ATRN: variants seen among roughly 807,000 people sequenced by gnomAD.
ATRN encodes attractin-2.
Under a neutral mutation model 178.7 loss-of-function variants are expected in ATRN, and 54 were observed. The ratio of observed to expected loss-of-function variants is 0.30; its 90% confidence interval spans 0.24 to 0.38. The LOEUF (loss-of-function observed/expected upper bound fraction) is 0.38, where lower values mean the gene tolerates loss of function less well. Among genes scored for constraint, ATRN ranks in the 10% least tolerant of loss-of-function variants. The pLI, the probability that ATRN is intolerant of heterozygous loss-of-function variation, is 1.00. For missense variants in ATRN, 1,443 were observed against 1,815.1 expected (o/e 0.79, Z 3.73); for synonymous variants, 636 against 663.0 (o/e 0.96, Z 0.63).
chr20:3,509,969 T>C (rs2085102623), intron 1 of ATRN, among the ~76,000 whole-genome samples: 2 of 152,156 alleles, frequency 1.3e-5, no homozygotes, highest in South Asian at 4.1e-4. Context: ...TACACAGATA[T>C]GTGTGTGTAT....
At chr20:3,540,995 G>T (rs1348858723) in intron 3 of ATRN, among the ~76,000 whole-genome samples, 1 of 151,614 alleles carries the variant, frequency 6.6e-6, no homozygotes, top group Non-Finnish European at 1.5e-5. Context: ...TTAGCAGCAA[G>T]TAGCTGTGTT....
chr20:3,567,936 AAATT>A (rs1396341515), intron 11 of ATRN, among the ~76,000 whole-genome samples: 1 of 152,216 alleles, frequency 6.6e-6, no homozygotes, highest in Non-Finnish European at 1.5e-5. Context: ...TTTAAGCAAC[AAATT>A]AACTAGTTGA....
chr20:3,613,017 G>A (rs892440056), intron 24 of ATRN, among the ~76,000 whole-genome samples: 3 of 152,076 alleles, frequency 2.0e-5, no homozygotes, highest in Non-Finnish European at 4.4e-5. Context: ...ATTCTAGAGG[G>A]AGCTCTTCCC....
At chr20:3,575,165 T>C (rs963139420) in intron 12 of ATRN, among the ~76,000 whole-genome samples, 6 of 152,326 alleles carry the variant, frequency 3.9e-5, no homozygotes, top group African/African-American at 1.4e-4. Flanking sequence ...GGTTTCACCA[T>C]GTTGACCAGG....
chr20:3,616,039 A>G (rs1433250921), intron 24 of ATRN: 1 of 75,282 alleles, frequency 1.3e-5, no homozygotes, highest in Admixed American at 1.8e-4. Flanking sequence ...AACTTAAAGT[A>G]TAATTAAAAA....
At chr20:3,488,451 T>G (rs2084729194) in intron 1 of ATRN, among the ~76,000 whole-genome samples, 3 of 152,244 alleles carry the variant, frequency 2.0e-5, no homozygotes, top group African/African-American at 7.2e-5. Context: ...TTATTTGCTT[T>G]ATGCATATCC....
chr20:3,532,578 T>C (rs1374722859), intron 1 of ATRN, among the ~76,000 whole-genome samples: 1 of 152,140 alleles, frequency 6.6e-6, no homozygotes, highest in African/African-American at 2.4e-5. Flanking sequence ...TTAAAAAGCA[T>C]TTGCTAAGGC....
At chr20:3,560,393 C>G (rs2085934741) in intron 7 of ATRN, among the ~76,000 whole-genome samples, 1 of 152,188 alleles carries the variant, frequency 6.6e-6, no homozygotes, top group Non-Finnish European at 1.5e-5. Context: ...ATCTAATTAT[C>G]CATTGATAGA....
At chr20:3,619,175 G>A (rs190137228) in intron 24 of ATRN, among the ~76,000 whole-genome samples, 1 of 152,312 alleles carries the variant, frequency 6.6e-6, no homozygotes, top group Non-Finnish European at 1.5e-5. Flanking sequence ...TCACAGGGTG[G>A]CCAGCTGTCC....
chr20:3,646,745 G>C lies in ATRN; in HGVS notation c.4188G>C (p.Leu1396=), dbSNP rs1233735050. Residue 1396 remains leucine, a synonymous_variant, in exon 29 of 29, where the codon CTG becomes CTC. Coordinates refer to ENST00000262919, the MANE Select transcript of ATRN (RefSeq NM_139321.3). The part of the protein sequence containing the change: ...GQSGLAVASA[L]VDISQQMPIV... ...AAGGTCTTGCTGTGGCCAGCGCCCT[G>C]GTGGACATTTCTCAGCAGATGCCGA... The C allele has an allele frequency of 6.2e-7, 1 of 1,604,916 alleles. No individual in the cohort carries two copies. The highest frequency in any genetic ancestry group is 2.2e-5 in the East Asian group (1 of 44,588).
chr20:3,486,982 A>G (rs148736574), intron 1 of ATRN, among the ~76,000 whole-genome samples: 49 of 151,908 alleles, frequency 3.2e-4, no homozygotes, highest in African/African-American at 1.0e-3. Flanking sequence ...TATTCTGTTT[A>G]CTTTCTACTT....
rs1419047350 is a variant in ATRN at position 3,526,840 on chromosome 20, T to G, written c.411-8413T>G. 5.3e-5 allele frequency among the ~76,000 whole-genome samples: 8 copies of G among 152,358 alleles called. No homozygotes were observed. The East Asian group carries it at 1.5e-3, about 29-fold the overall frequency. On this transcript the variant is annotated intron_variant, in intron 1 of 28. Transcript: ENST00000262919. Reference sequence around the variant, plus strand: ...AACAAACAATGGGGAAAGGATTCCCTATTTAATAAATGGTGTCGGGAAAAC... The same window carrying G: ...AACAAACAATGGGGAAAGGATTCCCGATTTAATAAATGGTGTCGGGAAAAC...
intron 1 of ATRN, among the ~76,000 whole-genome samples, chr20:3,473,894 TC>T (rs2084471597): frequency 6.6e-6 from 1 of 152,108 alleles, no homozygotes; most frequent in African/African-American, 2.4e-5. Context: ...GGACAAGTCT[TC>T]CGTGTAAACT....
chr20:3,514,414 A>G (rs1307347622), intron 1 of ATRN, among the ~76,000 whole-genome samples: 1 of 152,202 alleles, frequency 6.6e-6, no homozygotes, highest in Non-Finnish European at 1.5e-5. Context: ...AAAGGAAAAC[A>G]GCAAGTCAGT....
chr20:3,611,723 C>T lies in ATRN; in HGVS notation c.3801+7461C>T, dbSNP rs763310192. 5.3e-5 allele frequency among the ~76,000 whole-genome samples: 8 copies of T among 152,128 alleles called. 1 individual carries two copies. Among genetic ancestry groups the T allele is most frequent in the Admixed American group, 3.3e-4 (5 of 15,274 alleles). ...TGCTACTGCACTCCAGCCTGGGCAA[C>T]GGAATGAGACTGCCTCTCAAAATAA... On this transcript the variant is annotated intron_variant, in intron 24 of 28. Coordinates refer to ENST00000262919, the MANE Select transcript of ATRN (RefSeq NM_139321.3).
At chr20:3,492,918 A>G (rs1019461567) in intron 1 of ATRN, among the ~76,000 whole-genome samples, 3 of 147,400 alleles carry the variant, frequency 2.0e-5, no homozygotes, top group African/African-American at 4.9e-5. Flanking sequence ...ATATAAATAC[A>G]TATATATGTG....
intron 24 of ATRN, among the ~76,000 whole-genome samples, chr20:3,614,769 A>C (rs1231492266): frequency 2.6e-5 from 4 of 152,110 alleles, no homozygotes; most frequent in South Asian, 2.1e-4. Context: ...CCACTTCCAG[A>C]AGAAGCCCCT....
At chr20:3,540,395 C>T (rs2085601505) in intron 3 of ATRN, 60 bp downstream of exon 3, 1 of 1,096,270 alleles carries the variant, frequency 9.1e-7, no homozygotes, top group East Asian at 2.4e-5. Context: ...AACATATCTT[C>T]TGGATTGCAT....
At position 3,572,956 on chromosome 20, in the gene ATRN, G is replaced by GT. The variant is rs771584703; in HGVS notation, c.2092+14dup. 1,040 of 1,583,206 alleles carry GT rather than the reference G, an allele frequency of 6.6e-4. No individual in the cohort carries two copies. The highest frequency in any genetic ancestry group is 7.8e-4 in the South Asian group (70 of 89,216). On this transcript the variant is annotated splice_donor_region_variant and intron_variant, in intron 12 of 28. Coordinates refer to ENST00000262919, the MANE Select transcript of ATRN (RefSeq NM_139321.3). ...CAGAATGTTTTTCCAAAAGAAGTAT[G>GT]TTTTTTTTTCTCTACTTAGATTTTA...
Sources: gnomAD v4.1 joint callset for allele counts (sites outside exome capture counted in the v4.1 genomes callset) on GRCh38, gnomAD v4.1.1 for gene constraint, MANE v1.5 for transcripts, NCBI Gene and HGNC (gene_info 2026-07-23, HGNC 2026-07-21) for gene names.